The following PDIA5 variants were observed in gnomAD, a reference collection of about 807,000 sequenced individuals.
The protein encoded by PDIA5 is protein disulfide-isomerase A5.
Under a neutral mutation model 77.6 loss-of-function variants are expected in PDIA5, and 58 were observed. The observed-to-expected ratio is 0.75, with a 90% CI of 0.61 to 0.93. The LOEUF is 0.93. Among genes scored for constraint, PDIA5 ranks in the 40% least tolerant of loss-of-function variants. The pLI, the probability that PDIA5 is intolerant of heterozygous loss-of-function variation, is 0.00. For missense variants in PDIA5, 630 were observed against 647.7 expected (o/e 0.97, Z 0.30); for synonymous variants, 250 against 252.1 (o/e 0.99, Z 0.08).
At chr3:123,139,360 G>T (rs1402710962) in intron 11 of PDIA5, among the ~76,000 whole-genome samples, 1 of 152,184 alleles carries the variant, frequency 6.6e-6, no homozygotes, top group East Asian at 1.9e-4. Context: ...TGTCTGGAAG[G>T]GAGGTGTTTT....
At chr3:123,151,215 G>A (rs1460154482) in intron 14 of PDIA5, among the ~76,000 whole-genome samples, 1 of 152,242 alleles carries the variant, frequency 6.6e-6, no homozygotes, top group African/African-American at 2.4e-5. Context: ...CAGCCTCCCT[G>A]CCCATCTCTT....
At chr3:123,153,984 G>A (rs1935967385) in intron 14 of PDIA5, among the ~76,000 whole-genome samples, 1 of 152,156 alleles carries the variant, frequency 6.6e-6, no homozygotes, top group Non-Finnish European at 1.5e-5. Context: ...GAGCCCTTCT[G>A]TGCCCTGGAC....
intron 1 of PDIA5, among the ~76,000 whole-genome samples, chr3:123,068,529 T>C (rs1409376117): frequency 6.6e-6 from 1 of 152,122 alleles, no homozygotes; most frequent in Non-Finnish European, 1.5e-5. Flanking sequence ...TCTGGGCGGG[T>C]CTCTGGGCCA....
At chr3:123,115,271 A>G (rs779762907) in intron 7 of PDIA5, among the ~76,000 whole-genome samples, 12 of 152,242 alleles carry the variant, frequency 7.9e-5, no homozygotes, top group Admixed American at 6.5e-5. Flanking sequence ...GAAACTGCTC[A>G]TGTCCTGTGG....
At chr3:123,157,181 C>G (rs79613643) in intron 15 of PDIA5, among the ~76,000 whole-genome samples, 2,442 of 152,300 alleles carry the variant, frequency 0.016, 33 homozygotes, top group Non-Finnish European at 0.023. Context: ...TTCATAACCT[C>G]TCTGTCTGAG....
intron 15 of PDIA5, among the ~76,000 whole-genome samples, chr3:123,158,997 A>G (rs985373803): frequency 2.0e-5 from 3 of 152,270 alleles, no homozygotes; most frequent in Admixed American, 2.0e-4. Context: ...TAGAAGTTGC[A>G]TTCCATGTGT....
chr3:123,101,906 CTTTTTTTTT>C lies in PDIA5; in HGVS notation c.258-492_258-484del, dbSNP rs71623603. On this transcript the variant is annotated intron_variant, in intron 3 of 16. Coordinates refer to ENST00000316218, the MANE Select transcript of PDIA5 (RefSeq NM_006810.4). ...TCCCCTTCCTTTCCTTTCTTTCTTG[CTTTTTTTTT>C]TTTTTTTTTTTTGAGATGGAGTCTC... is the stretch of plus-strand genomic sequence containing the variant. 1.4e-4 allele frequency among the ~76,000 whole-genome samples: 10 copies of C among 71,398 alleles called. 1 individual carries two copies. In the South Asian group the frequency reaches 6.5e-3, roughly 46 times the overall value. The allele number at this position is 71,398 out of a possible 152,430, so 46.8% of individuals were successfully genotyped here. A position where few individuals can be genotyped will look rare whatever the true frequency, so the allele number is the denominator to read the frequency against.
chr3:123,131,843 G>A (rs183769727), intron 11 of PDIA5, among the ~76,000 whole-genome samples: 1 of 151,938 alleles, frequency 6.6e-6, no homozygotes, highest in East Asian at 1.9e-4. Flanking sequence ...GGCCGCGTGA[G>A]AGCCAGGGGA....
At chr3:123,074,347 T>C (rs938805039) in intron 1 of PDIA5, among the ~76,000 whole-genome samples, 2 of 152,196 alleles carry the variant, frequency 1.3e-5, no homozygotes, top group African/African-American at 4.8e-5. Flanking sequence ...GGTAAGAGAA[T>C]GTATAACAGG....
intron 8 of PDIA5, among the ~76,000 whole-genome samples, chr3:123,119,649 G>A (rs1405967363): frequency 6.6e-6 from 1 of 152,212 alleles, no homozygotes; most frequent in Non-Finnish European, 1.5e-5. Flanking sequence ...GACCTGGCTG[G>A]AGGGGTTGAG....
intron 11 of PDIA5, among the ~76,000 whole-genome samples, chr3:123,141,153 T>C (rs1158545144): frequency 6.6e-6 from 1 of 152,242 alleles, no homozygotes; most frequent in Admixed American, 6.5e-5. Flanking sequence ...CAACAGTGAT[T>C]CTCAGTGAAT....
At chr3:123,143,370 G>C (rs537343043) in intron 11 of PDIA5, among the ~76,000 whole-genome samples, 1 of 139,668 alleles carries the variant, frequency 7.2e-6, no homozygotes, top group Admixed American at 7.4e-5. Context: ...CTGGGTGACA[G>C]AGCGAGACTC....
intron 10 of PDIA5, among the ~76,000 whole-genome samples, chr3:123,125,625 T>C (rs182793556): frequency 9.1e-4 from 139 of 152,232 alleles, no homozygotes; most frequent in African/African-American, 3.1e-3. Context: ...AAAATGTGTA[T>C]TTTCAAAATG....
chr3:123,074,670 GT>G lies in PDIA5; in HGVS notation c.42+7465del, dbSNP rs540419183. 1.7e-3 allele frequency among the ~76,000 whole-genome samples: 255 copies of G among 152,278 alleles called. 1 individual carries two copies. Among genetic ancestry groups the G allele is most frequent in the African/African-American group, 5.6e-3 (231 of 41,560 alleles). On this transcript the variant is annotated intron_variant, in intron 1 of 16. Transcript: ENST00000316218. ...AAATATGATTTCTGTTGGTGGCAAA[GT>G]CACAGACACTGCTACCCTAATTACT...
chr3:123,150,363 T>C lies in PDIA5; in HGVS notation c.1272T>C (p.Pro424=). The change falls in exon 14 of 17, where the codon CCT becomes CCC. Residue 424 remains proline (P), a splice_region_variant and synonymous_variant. Transcript: ENST00000316218. ...KKHTLVMFYA[P]WCPHCKKVIP... ...ACACCTTGGTCATGTTCTACGCCCC[T>C]TGTAAGTAGCTTGGGTGCTCACTGA... The C allele has an allele frequency of 6.2e-7, 1 of 1,612,954 alleles. No homozygotes were observed. The highest frequency in any genetic ancestry group is 8.5e-7 in the Non-Finnish European group (1 of 1,179,478).
At position 123,067,507 on chromosome 3, in the gene PDIA5, A is replaced by G. The variant is rs1016565639; in HGVS notation, c.42+301A>G. Reference sequence around the variant, plus strand: ...TTTGCGGGGATGCAGGTCGGGGCACAGCCGGTCGGGCAGGACGCCGGCGGG... The same window carrying G: ...TTTGCGGGGATGCAGGTCGGGGCACGGCCGGTCGGGCAGGACGCCGGCGGG... On this transcript the variant is annotated intron_variant, in intron 1 of 16. Coordinates refer to ENST00000316218, the MANE Select transcript of PDIA5 (RefSeq NM_006810.4). 4 of 359,316 alleles carry G rather than the reference A, an allele frequency of 1.1e-5. No individual in the cohort carries two copies. In the East Asian group the frequency reaches 1.6e-4, roughly 14 times the overall value. 22.3% of individuals were successfully genotyped at this position (359,316 alleles called of 1,614,324 possible).
Position 123,153,544 on chromosome 3 carries a change from G to A in PDIA5, c.1274-1427G>A, listed in dbSNP as rs79073915. On this transcript the variant is annotated intron_variant, in intron 14 of 16. Coordinates refer to ENST00000316218, the MANE Select transcript of PDIA5 (RefSeq NM_006810.4). ...ATCATCCAGTCTCTGCCATGAGCTA[G>A]GCTGTGCTAGGCACATTGCTAAGCT... is the stretch of plus-strand genomic sequence containing the variant. 4.6e-3 allele frequency among the ~76,000 whole-genome samples: 698 copies of A among 152,296 alleles called. 7 individuals are homozygous for A. The highest frequency in any genetic ancestry group is 0.016 in the African/African-American group (667 of 41,548).
At chr3:123,082,624 G>T (rs1319165226) in intron 1 of PDIA5, among the ~76,000 whole-genome samples, 4 of 152,100 alleles carry the variant, frequency 2.6e-5, no homozygotes, top group African/African-American at 4.8e-5. Context: ...TGCAGGCAGG[G>T]CCCCTGGAGA....
intron 13 of PDIA5, among the ~76,000 whole-genome samples, chr3:123,149,991 A>G (rs1431054627): frequency 6.6e-6 from 1 of 152,218 alleles, no homozygotes; most frequent in African/African-American, 2.4e-5. Context: ...AATGGTGTCA[A>G]GTCTTCCATA....
Sources: allele counts gnomAD v4.1 joint callset (sites outside exome capture counted in the v4.1 genomes callset), GRCh38; gene constraint gnomAD v4.1.1; transcripts MANE v1.5; gene names NCBI Gene and HGNC (gene_info 2026-07-23, HGNC 2026-07-21).